Variants in FAT3 observed in about 807,000 individuals in gnomAD.
FAT3 encodes the protein protocadherin Fat 3.
FAT3 carries 95 observed loss-of-function variants against 310.2 expected under a neutral mutation model. The observed-to-expected ratio is 0.31, with a 90% CI of 0.26 to 0.36. The LOEUF (loss-of-function observed/expected upper bound fraction) is 0.36. FAT3 is among the 10% of genes least tolerant of loss of function. FAT3 has a pLI of 1.00. For missense variants in FAT3, 5,408 were observed against 5,715.6 expected, an observed-to-expected ratio of 0.95 and a Z score of 1.74; for synonymous variants, 2,314 against 2,192.9, an observed-to-expected ratio of 1.06 and a Z score of -1.54.
intron 1 of FAT3, among the ~76,000 whole-genome samples, chr11:92,309,318 T>C (rs1274903974): frequency 7.3e-6 from 1 of 137,060 alleles, no homozygotes; most frequent in Non-Finnish European, 1.6e-5. Context: ...TCTCCAGCCA[T>C]CTCTCCTTCC....
intron 2 of FAT3, among the ~76,000 whole-genome samples, chr11:92,482,568 G>T (rs912036535): frequency 2.6e-5 from 4 of 152,134 alleles, no homozygotes; most frequent in African/African-American, 9.7e-5. Flanking sequence ...GCCTATCACT[G>T]TCCTGGCCCC....
intron 2 of FAT3, among the ~76,000 whole-genome samples, chr11:92,465,526 G>T (rs1045070711): frequency 7.7e-4 from 117 of 151,810 alleles, no homozygotes; most frequent in Non-Finnish European, 1.2e-3. Flanking sequence ...ATCTCATTGT[G>T]GTTTTGATTT....
intron 13 of FAT3, among the ~76,000 whole-genome samples, chr11:92,821,322 G>T (rs1180329654): frequency 6.6e-6 from 1 of 152,168 alleles, no homozygotes; most frequent in Non-Finnish European, 1.5e-5. Context: ...ACAAGAAAAT[G>T]TTTTGAAAGA....
chr11:92,865,877 C>G (rs554358271), intron 21 of FAT3, among the ~76,000 whole-genome samples: 1 of 152,176 alleles, frequency 6.6e-6, no homozygotes, highest in Non-Finnish European at 1.5e-5. Context: ...GCAGTGATGC[C>G]CTTGCTACAC....
intron 3 of FAT3, among the ~76,000 whole-genome samples, chr11:92,633,664 C>A (rs1460823928): frequency 1.3e-5 from 2 of 152,156 alleles, no homozygotes; most frequent in Non-Finnish European, 2.9e-5. Context: ...GTCTACCAGG[C>A]TCTTGCTCAT....
At position 92,798,963 on chromosome 11, in the gene FAT3, C is replaced by T; in HGVS notation, c.5950C>T (p.Gln1984Ter). Residue 1984 changes from glutamine to a stop codon, truncating the protein, a stop_gained, in exon 10 of 28, where the codon CAA becomes TAA. Coordinates refer to ENST00000525166, the MANE Select transcript of FAT3 (RefSeq NM_001367949.2). LOFTEE classifies it high-confidence loss of function. Reference protein sequence around the residue: ...EAMDSGLHFTQSFYSTSISEN... With the variant: ...EAMDSGLHFT Reference sequence around the variant, plus strand: ...CATGGACAGCGGCCTCCACTTTACACAAAGCTTCTATTCCACCTCAATCTC... The same window carrying T: ...CATGGACAGCGGCCTCCACTTTACATAAAGCTTCTATTCCACCTCAATCTC... 1 of 1,613,970 alleles carries T rather than the reference C, an allele frequency of 6.2e-7. No individual in the cohort carries two copies. The highest frequency in any genetic ancestry group is 8.5e-7 in the Non-Finnish European group (1 of 1,179,866).
intron 1 of FAT3, among the ~76,000 whole-genome samples, chr11:92,343,604 A>T (rs1948330749): frequency 6.6e-6 from 1 of 152,246 alleles, no homozygotes; most frequent in South Asian, 2.1e-4. Flanking sequence ...TCTTCGTGTT[A>T]GACCTTGTAG....
At position 92,412,746 on chromosome 11, in the gene FAT3, A is replaced by ACACACACATATATAT. The variant is rs1591252852; in HGVS notation, c.3292+57342_3292+57343insCACACACATATATAT. ...ATATATATATATATATATATATATA[A>ACACACACATATATAT]ATATACATACATATATATATATTTA... On this transcript the variant is annotated intron_variant, in intron 2 of 27. Transcript: ENST00000525166. 1.7e-4 allele frequency among the ~76,000 whole-genome samples: 3 copies of ACACACACATATATAT among 18,068 alleles called. 1 individual carries two copies. The highest frequency in any genetic ancestry group is 1.8e-3 in the South Asian group (1 of 546). 11.9% of individuals were successfully genotyped at this position (18,068 alleles called of 152,430 possible).
At position 92,806,389 on chromosome 11, in the gene FAT3, G is replaced by A; in HGVS notation, c.9121G>A (p.Asp3041Asn). Residue 3041 changes from aspartate to asparagine, a missense_variant, in exon 12 of 28, where the codon GAC (aspartate) becomes AAC (asparagine). Asp to Asn is a conservative substitution (Grantham distance 23). Around this residue, in one of 5 missense-constraint regions of FAT3, gnomAD observed 4,588 missense variants for 4,809.8 expected, o/e 0.95. Coordinates refer to ENST00000525166, the MANE Select transcript of FAT3 (RefSeq NM_001367949.2). ...TGCATATACAGCATTACTTCCTGAA[G>A]ACATTCCATCAAATAAAATCATCCT... is the stretch of plus-strand genomic sequence containing the variant. ...QVAYTALLPEDIPSNKIILKV... is the reference protein window; with the variant it reads ...QVAYTALLPENIPSNKIILKV... 6.3e-7 allele frequency: 1 copy of A among 1,599,880 alleles called. No individual in the cohort carries two copies. The highest frequency in any genetic ancestry group is 2.2e-5 in the East Asian group (1 of 44,648).
chr11:92,439,889 C>T (rs1271060579), intron 2 of FAT3, among the ~76,000 whole-genome samples: 1 of 151,552 alleles, frequency 6.6e-6, no homozygotes, highest in Non-Finnish European at 1.5e-5. Context: ...GCACTCCATC[C>T]TGGATGAGAG....
intron 4 of FAT3, among the ~76,000 whole-genome samples, chr11:92,710,088 C>G (rs1413398557): frequency 6.6e-6 from 1 of 152,128 alleles, no homozygotes; most frequent in Non-Finnish European, 1.5e-5. Flanking sequence ...TTTTAGGTGA[C>G]TACTTTCAAA....
At chr11:92,522,002 A>G (rs539079501) in intron 2 of FAT3, among the ~76,000 whole-genome samples, 7 of 152,248 alleles carry the variant, frequency 4.6e-5, no homozygotes, top group Non-Finnish European at 8.8e-5. Flanking sequence ...TTTTGAGGAC[A>G]GAGACCCTCT....
At chr11:92,630,266 CTT>C (rs777847975) in intron 3 of FAT3, among the ~76,000 whole-genome samples, 20 of 152,160 alleles carry the variant, frequency 1.3e-4, no homozygotes, top group Non-Finnish European at 1.6e-4. Context: ...CCTTTGGTCT[CTT>C]TGATGATTCC....
At chr11:92,314,468 A>G (rs948859430) in intron 1 of FAT3, among the ~76,000 whole-genome samples, 4 of 152,146 alleles carry the variant, frequency 2.6e-5, no homozygotes, top group African/African-American at 4.8e-5. Context: ...GTAAGTATAT[A>G]CTGTAGGCTT....
chr11:92,656,476 C>T (rs1230962044), intron 3 of FAT3, among the ~76,000 whole-genome samples: 1 of 152,156 alleles, frequency 6.6e-6, no homozygotes, highest in African/African-American at 2.4e-5. Context: ...TAATTCAAGC[C>T]ACCTGCTCAT....
chr11:92,634,371 G>A (rs549857722), intron 3 of FAT3, among the ~76,000 whole-genome samples: 1 of 152,238 alleles, frequency 6.6e-6, no homozygotes, highest in East Asian at 1.9e-4. Context: ...GTTTCCCAGT[G>A]TTGTAGCTTC....
chr11:92,625,835 GA>G (rs1312976966), intron 3 of FAT3, among the ~76,000 whole-genome samples: 1 of 151,406 alleles, frequency 6.6e-6, no homozygotes, highest in African/African-American at 2.4e-5. Flanking sequence ...TTGTCACTTT[GA>G]AACACTGGGT....
chr11:92,341,001 C>T (rs1408349156), intron 1 of FAT3, among the ~76,000 whole-genome samples: 2 of 152,070 alleles, frequency 1.3e-5, no homozygotes, highest in Non-Finnish European at 2.9e-5. Context: ...TGTGGCAGCA[C>T]CTCTAGGGGG....
chr11:92,751,939 C>G (rs950183798), intron 4 of FAT3, among the ~76,000 whole-genome samples: 1 of 152,070 alleles, frequency 6.6e-6, no homozygotes, highest in African/African-American at 2.4e-5. Flanking sequence ...ATGGCAATGC[C>G]TACAGGATTC....
Sources: allele counts gnomAD v4.1 joint callset (sites outside exome capture counted in the v4.1 genomes callset), GRCh38; gene constraint gnomAD v4.1.1; regional missense constraint gnomAD v4.1.1; transcripts MANE v1.5; gene names NCBI Gene and HGNC (gene_info 2026-07-23, HGNC 2026-07-21).